TMPRSS15: variants seen among roughly 807,000 people sequenced by gnomAD.
The protein encoded by TMPRSS15 is transmembrane serine protease 15.
TMPRSS15 carries 128 observed loss-of-function variants against 125.3 expected under a neutral mutation model. The ratio of observed to expected loss-of-function variants is 1.02; its 90% CI spans 0.89 to 1.18. The LOEUF (loss-of-function observed/expected upper bound fraction) is 1.18, where lower values mean the gene tolerates loss of function less well. Ranked by LOEUF, TMPRSS15 falls within the 50% of genes most tolerant of loss-of-function variation. The probability of loss-of-function intolerance (pLI) is 0.00; values close to 1 mark genes in which losing one functional copy is unlikely to be tolerated. For synonymous variants in TMPRSS15, 446 were observed against 423.2 expected, an observed-to-expected ratio of 1.05 and a Z score of -0.66; for missense variants, 1,283 against 1,212.7, an observed-to-expected ratio of 1.06 and a Z score of -0.86.
intron 6 of TMPRSS15, among the ~76,000 whole-genome samples, chr21:18,370,755 T>C (rs1241945925): frequency 6.6e-6 from 1 of 152,028 alleles, no homozygotes. Flanking sequence ...TGTAGTAGAG[T>C]TGCCTTTCAT....
chr21:18,431,987 G>T (rs966515806), intron 1 of TMPRSS15, among the ~76,000 whole-genome samples: 10 of 151,958 alleles, frequency 6.6e-5, no homozygotes, highest in Non-Finnish European at 1.3e-4. Context: ...AAAATTATTG[G>T]GTGAATATTC....
intron 10 of TMPRSS15, among the ~76,000 whole-genome samples, chr21:18,344,264 A>C (rs1269142714): frequency 4.6e-5 from 7 of 152,212 alleles, no homozygotes; most frequent in Admixed American, 4.6e-4. Context: ...ATAGCTTAAC[A>C]CTGGGCCTCC....
intron 3 of TMPRSS15, among the ~76,000 whole-genome samples, chr21:18,387,472 G>A (rs1357657018): frequency 6.6e-6 from 1 of 152,120 alleles, no homozygotes; most frequent in Non-Finnish European, 1.5e-5. Context: ...GCCACAAAGG[G>A]TAAATAGTTC....
chr21:18,294,375 C>T lies in TMPRSS15; in HGVS notation c.2381G>A (p.Gly794Glu). ...KIVGGSNAKEGAWPWVVGLYY... is the reference protein window; with the variant it reads ...KIVGGSNAKEEAWPWVVGLYY... ...CAGACCCACAACCCAGGGCCAGGCCCCTTCTTTGGCATTACTTCCTCCAAC... is the reference window on the plus strand; with the variant it reads ...CAGACCCACAACCCAGGGCCAGGCCTCTTCTTTGGCATTACTTCCTCCAAC... Residue 794 changes from glycine to glutamate, a missense_variant, in exon 21 of 25, where the codon GGG (glycine) becomes GAG (glutamate). Coordinates refer to ENST00000284885, the MANE Select transcript of TMPRSS15 (RefSeq NM_002772.3). 6.2e-7 allele frequency: 1 copy of T among 1,614,236 alleles called. No homozygotes were observed. The highest frequency in any genetic ancestry group is 1.1e-5 in the South Asian group (1 of 91,082).
intron 7 of TMPRSS15, among the ~76,000 whole-genome samples, chr21:18,364,533 G>C (rs1473362451): frequency 3.3e-5 from 5 of 152,218 alleles, no homozygotes; most frequent in African/African-American, 1.2e-4. Context: ...GGTGTTCCTT[G>C]TCTATGAAAA....
intron 17 of TMPRSS15, 28 bp downstream of exon 17, chr21:18,315,118 A>C: frequency 6.4e-7 from 1 of 1,563,548 alleles, no homozygotes; most frequent in South Asian, 1.1e-5. Flanking sequence ...TAAAGTCATA[A>C]AAGTATTTTC....
intron 13 of TMPRSS15, among the ~76,000 whole-genome samples, chr21:18,333,124 C>A (rs1309650653): frequency 6.6e-6 from 1 of 152,110 alleles, no homozygotes; most frequent in East Asian, 1.9e-4. Context: ...GGAGGGGAAT[C>A]AGGAAAAATC....
chr21:18,392,993 G>T (rs1287071596), intron 3 of TMPRSS15, among the ~76,000 whole-genome samples: 4 of 152,134 alleles, frequency 2.6e-5, no homozygotes, highest in African/African-American at 4.8e-5. Context: ...GATGAGATTT[G>T]AGTGGGGACA....
intron 21 of TMPRSS15, among the ~76,000 whole-genome samples, chr21:18,290,018 C>T (rs1286180678): frequency 6.6e-6 from 1 of 152,194 alleles, no homozygotes; most frequent in Admixed American, 6.5e-5. Flanking sequence ...TTGGTTGATG[C>T]GTGTGCTTTA....
intron 21 of TMPRSS15, among the ~76,000 whole-genome samples, chr21:18,284,577 GT>G (rs1402103331): frequency 2.6e-5 from 4 of 152,142 alleles, no homozygotes; most frequent in African/African-American, 4.8e-5. Flanking sequence ...GACTTTTTAT[GT>G]TTTTAAAATC....
chr21:18,381,898 A>G (rs2075896259), intron 4 of TMPRSS15, among the ~76,000 whole-genome samples: 1 of 152,110 alleles, frequency 6.6e-6, no homozygotes, highest in Non-Finnish European at 1.5e-5. Context: ...TAACTGGGTG[A>G]TAAAATAATC....
chr21:18,357,018 G>A (rs1328993530), intron 8 of TMPRSS15, among the ~76,000 whole-genome samples: 1 of 151,782 alleles, frequency 6.6e-6, no homozygotes, highest in Non-Finnish European at 1.5e-5. Context: ...TATGCACTCA[G>A]AGACACAATT....
intron 6 of TMPRSS15, among the ~76,000 whole-genome samples, chr21:18,365,519 C>A (rs1238221657): frequency 7.5e-6 from 1 of 132,590 alleles, no homozygotes; most frequent in African/African-American, 2.9e-5. Context: ...TTCCTTCCTT[C>A]CCTCCCTCCC....
At chr21:18,414,265 A>G (rs1407363165) in intron 1 of TMPRSS15, among the ~76,000 whole-genome samples, 1 of 152,156 alleles carries the variant, frequency 6.6e-6, no homozygotes, top group Non-Finnish European at 1.5e-5. Flanking sequence ...CCAACAATGT[A>G]AAATCATCAC....
At chr21:18,308,958 T>C (rs760723446) in intron 18 of TMPRSS15, among the ~76,000 whole-genome samples, 9 of 152,242 alleles carry the variant, frequency 5.9e-5, no homozygotes, top group Non-Finnish European at 1.3e-4. Context: ...TTCCATGGTG[T>C]ATATGTGCTA....
chr21:18,428,322 A>G (rs2076208225), intron 1 of TMPRSS15, among the ~76,000 whole-genome samples: 1 of 152,212 alleles, frequency 6.6e-6, no homozygotes, highest in Admixed American at 6.5e-5. Context: ...TTGCAGGCTG[A>G]CAATTTGATA....
At chr21:18,449,051 A>G (rs1199880503) in intron 1 of TMPRSS15, among the ~76,000 whole-genome samples, 1 of 152,150 alleles carries the variant, frequency 6.6e-6, no homozygotes, top group Non-Finnish European at 1.5e-5. Context: ...TAATCAAACT[A>G]TACAGACACA....
chr21:18,279,501 T>C (rs9975116), intron 22 of TMPRSS15, among the ~76,000 whole-genome samples: 4 of 149,632 alleles, frequency 2.7e-5, no homozygotes, highest in Non-Finnish European at 5.9e-5. Flanking sequence ...AATTTTTTTG[T>C]ATTTTTTTTT....
chr21:18,318,620 G>T (rs960205574), intron 16 of TMPRSS15, among the ~76,000 whole-genome samples: 3 of 152,092 alleles, frequency 2.0e-5, no homozygotes, highest in Non-Finnish European at 4.4e-5. Context: ...ATACTTGACT[G>T]TTCATTTTAA....
Sources: allele counts gnomAD v4.1 joint callset (sites outside exome capture counted in the v4.1 genomes callset), GRCh38; gene constraint gnomAD v4.1.1; transcripts MANE v1.5; gene names NCBI Gene and HGNC (gene_info 2026-07-23, HGNC 2026-07-21).